The following USP13 variants were observed in gnomAD, a reference collection of about 807,000 sequenced individuals.
USP13 encodes ubiquitin carboxyl-terminal hydrolase 13.
A neutral mutation model predicts 107.8 loss-of-function variants in USP13; 68 were observed. That is an observed-to-expected ratio of 0.63 (90% CI 0.52 to 0.77). The LOEUF (loss-of-function observed/expected upper bound fraction) is 0.77, where lower values mean the gene tolerates loss of function less well. USP13 is among the 30% of genes least tolerant of loss of function. The pLI is 0.00. For missense variants in USP13, 945 were observed against 1,093.3 expected (o/e 0.86, Z 1.91); for synonymous variants, 377 against 389.5 (o/e 0.97, Z 0.38).
chr3:179,734,759 TA>T (rs1237670489), intron 10 of USP13, among the ~76,000 whole-genome samples: 3 of 152,254 alleles, frequency 2.0e-5, no homozygotes, highest in Non-Finnish European at 4.4e-5. Context: ...TGTTTAAGGT[TA>T]AAAATTTAAA....
At chr3:179,737,618 C>A (rs905485658) in intron 10 of USP13, among the ~76,000 whole-genome samples, 1 of 152,114 alleles carries the variant, frequency 6.6e-6, no homozygotes, top group Admixed American at 6.6e-5. Flanking sequence ...AAATTAATTG[C>A]GCTTTGGCTA....
At chr3:179,711,405 G>A (rs1712921904) in intron 6 of USP13, among the ~76,000 whole-genome samples, 1 of 152,082 alleles carries the variant, frequency 6.6e-6, no homozygotes, top group Admixed American at 6.6e-5. Flanking sequence ...TAGAGATGGG[G>A]TTTCACCATG....
intron 10 of USP13, among the ~76,000 whole-genome samples, chr3:179,734,352 C>T (rs12152298): frequency 6.6e-6 from 1 of 152,164 alleles, no homozygotes; most frequent in East Asian, 1.9e-4. Flanking sequence ...TTTATGCATT[C>T]TAAGGCAGTG....
At chr3:179,701,619 G>C (rs1250976084) in intron 4 of USP13, among the ~76,000 whole-genome samples, 1 of 152,176 alleles carries the variant, frequency 6.6e-6, no homozygotes, top group Admixed American at 6.5e-5. Flanking sequence ...GTTACAAAAA[G>C]AACAAAGCAT....
chr3:179,752,470 G>A (rs775107944), intron 14 of USP13, 97 bp downstream of exon 14: 1 of 873,234 alleles, frequency 1.1e-6, no homozygotes, highest in Non-Finnish European at 1.9e-6. Context: ...GCCACAAACA[G>A]TTCCATTTCA....
intron 19 of USP13, among the ~76,000 whole-genome samples, chr3:179,780,733 G>T (rs1715716756): frequency 6.6e-6 from 1 of 152,226 alleles, no homozygotes; most frequent in African/African-American, 2.4e-5. Context: ...TGACAGCTGA[G>T]TAAGTTGAAT....
intron 6 of USP13, among the ~76,000 whole-genome samples, chr3:179,714,895 G>C (rs1227826803): frequency 7.3e-6 from 1 of 137,148 alleles, no homozygotes; most frequent in Non-Finnish European, 1.5e-5. Context: ...GTTTGAGGCA[G>C]GGTCTCACTC....
chr3:179,780,582 C>T (rs1348326778), intron 19 of USP13, among the ~76,000 whole-genome samples: 1 of 151,890 alleles, frequency 6.6e-6, no homozygotes, highest in South Asian at 2.1e-4. Context: ...ATTCAAAGGT[C>T]GGGGAGATGA....
rs1711544415 is a variant in USP13, at chr3:179,678,514, C to A, written c.169-3364C>A. ...TTGAGACAGGGTCTCTTTCTGTCAC[C>A]CAGGCTGGATGGCACAATCATGGCT... On this transcript the variant is annotated intron_variant, in intron 1 of 20. Transcript: ENST00000263966. This position sits in a 1 kb window ranked among gnomAD's most constrained non-coding sequence, Gnocchi z 4.2. 6.6e-6 allele frequency among the ~76,000 whole-genome samples: 1 copy of A among 151,616 alleles called. No homozygotes were observed. Among genetic ancestry groups the A allele is most frequent in the South Asian group, 2.1e-4 (1 of 4,806 alleles).
At chr3:179,780,808 A>C (rs1468927509) in intron 19 of USP13, among the ~76,000 whole-genome samples, 1 of 152,276 alleles carries the variant, frequency 6.6e-6, no homozygotes, top group African/African-American at 2.4e-5. Context: ...AACTCTGTCC[A>C]GAACCAATAC....
chr3:179,680,735 G>A (rs915939120), intron 1 of USP13, among the ~76,000 whole-genome samples: 9 of 152,034 alleles, frequency 5.9e-5, no homozygotes, highest in Non-Finnish European at 1.3e-4. Context: ...TAGAGACGGG[G>A]TTTCACCATG....
intron 13 of USP13, among the ~76,000 whole-genome samples, chr3:179,751,892 A>G (rs1271983402): frequency 6.6e-6 from 1 of 151,854 alleles, no homozygotes; most frequent in East Asian, 1.9e-4. Flanking sequence ...TAATTTTTGT[A>G]TTTTTGTGCC....
At chr3:179,665,927 AGAG>A (rs1720573518) in intron 1 of USP13, among the ~76,000 whole-genome samples, 1 of 152,088 alleles carries the variant, frequency 6.6e-6, no homozygotes, top group Non-Finnish European at 1.5e-5. Flanking sequence ...AAAATTTGTG[AGAG>A]GAGATTTTAG....
intron 1 of USP13, among the ~76,000 whole-genome samples, chr3:179,677,154 G>A (rs936659435): frequency 6.6e-5 from 10 of 151,426 alleles, no homozygotes; most frequent in Admixed American, 1.3e-4. Context: ...CACTGTGCCC[G>A]GCCACCTGTT....
At chr3:179,748,634 G>C (rs1404958772) in intron 13 of USP13, among the ~76,000 whole-genome samples, 2 of 152,170 alleles carry the variant, frequency 1.3e-5, no homozygotes, top group African/African-American at 4.8e-5. Context: ...AAATATTATT[G>C]CTCACTTAGT....
At chr3:179,767,258 T>C (rs1715202855) in intron 19 of USP13, among the ~76,000 whole-genome samples, 1 of 152,152 alleles carries the variant, frequency 6.6e-6, no homozygotes, top group African/African-American at 2.4e-5. Flanking sequence ...ATGAGGTACA[T>C]ACCATTATTA....
At chr3:179,658,238 G>A (rs553655176) in intron 1 of USP13, among the ~76,000 whole-genome samples, 2 of 152,300 alleles carry the variant, frequency 1.3e-5, no homozygotes, top group Admixed American at 1.3e-4. Context: ...ACAGGCGGGA[G>A]CCACTGCACC....
At chr3:179,755,870 A>T (rs887481526) in intron 15 of USP13, among the ~76,000 whole-genome samples, 1 of 152,242 alleles carries the variant, frequency 6.6e-6, no homozygotes, top group African/African-American at 2.4e-5. Flanking sequence ...AGGAAGGGTA[A>T]GATGAGTCTA....
chr3:179,702,022 GT>G (rs548009850), intron 4 of USP13, among the ~76,000 whole-genome samples: 6 of 150,698 alleles, frequency 4.0e-5, no homozygotes, highest in African/African-American at 1.5e-4. Context: ...CTTTTTCTTT[GT>G]TTTTTTTCTT....
Sources: gnomAD v4.1 joint callset for allele counts (sites outside exome capture counted in the v4.1 genomes callset) on GRCh38, gnomAD v4.1.1 for gene constraint, Gnocchi (gnomAD v3.1) non-coding constraint, MANE v1.5 for transcripts, NCBI Gene and HGNC (gene_info 2026-07-23, HGNC 2026-07-21) for gene names.